CCDC172: variants seen among roughly 807,000 people sequenced by gnomAD.
The protein encoded by CCDC172 is coiled-coil domain containing 172.
A neutral mutation model predicts 38.0 loss-of-function variants in CCDC172; 30 were observed. The ratio of observed to expected loss-of-function variants is 0.79; its 90% CI spans 0.59 to 1.07. The LOEUF is 1.07. CCDC172 is among the 50% of genes least tolerant of loss of function. The pLI is 0.00. For missense variants in CCDC172, 297 were observed against 290.1 expected (o/e 1.02, Z -0.17); for synonymous variants, 78 against 88.3 (o/e 0.88, Z 0.66).
rs759164225 is a variant in CCDC172, at chr10:116,357,831, T to C, written c.551-5T>C. ...AAGATTGCAACTATTTTTTGATTTG[T>C]TTAGTTTTTGAAGATGAAGAGAATG... On this transcript the variant is annotated splice_polypyrimidine_tract_variant and splice_region_variant and intron_variant, in intron 6 of 8. Coordinates refer to ENST00000333254, the MANE Select transcript of CCDC172 (RefSeq NM_198515.3). 34 of 1,356,842 alleles carry C rather than the reference T, an allele frequency of 2.5e-5. No individual in the cohort carries two copies. The highest frequency in any genetic ancestry group is 3.4e-5 in the Non-Finnish European group (33 of 975,114). The allele number at this position is 1,356,842 out of a possible 1,614,324, so 84.1% of individuals were successfully genotyped here. A position where few individuals can be genotyped will look rare whatever the true frequency, so the allele number is the denominator to read the frequency against.
rs778494917 is a variant in CCDC172 at position 116,325,343 on chromosome 10, A to G, written c.120A>G (p.Lys40=). ...EITRCREKIK[K]ATEELNEEKI... is the part of the protein sequence containing the mutation. ...CCAGATGTCGTGAAAAAATTAAGAAAGCAACGGAGGAGCTGAATGAAGAGA... is the reference window on the plus strand; with the variant it reads ...CCAGATGTCGTGAAAAAATTAAGAAGGCAACGGAGGAGCTGAATGAAGAGA... Residue 40 remains lysine, a synonymous_variant, in exon 3 of 9, where the codon AAA becomes AAG. Coordinates refer to ENST00000333254, the MANE Select transcript of CCDC172 (RefSeq NM_198515.3). The G allele has an allele frequency of 1.9e-6, 3 of 1,614,042 alleles. No individual in the cohort carries two copies. The Admixed American group carries it at 5.0e-5, about 27-fold the overall frequency.
intron 7 of CCDC172, among the ~76,000 whole-genome samples, chr10:116,366,009 T>TTCTCACAA (rs1845118915): frequency 6.6e-6 from 1 of 152,160 alleles, no homozygotes; most frequent in South Asian, 2.1e-4. Context: ...AACTATGCAT[T>TTCTCACAA]TCTCACAATA....
intron 5 of CCDC172, among the ~76,000 whole-genome samples, chr10:116,345,371 T>C (rs573796804): frequency 6.6e-6 from 1 of 152,250 alleles, no homozygotes; most frequent in East Asian, 1.9e-4. Context: ...ACACAAAAGC[T>C]AAAATTATGA....
At chr10:116,355,747 T>A (rs1844987642) in intron 5 of CCDC172, among the ~76,000 whole-genome samples, 1 of 152,124 alleles carries the variant, frequency 6.6e-6, no homozygotes, top group Admixed American at 6.6e-5. Context: ...ATTCCATTGT[T>A]GTGAAATATC....
At chr10:116,369,759 G>C (rs965508795) in intron 7 of CCDC172, among the ~76,000 whole-genome samples, 1 of 152,006 alleles carries the variant, frequency 6.6e-6, no homozygotes, top group African/African-American at 2.4e-5. Context: ...AAATGCAAAT[G>C]TAGTTTTGTT....
At chr10:116,364,325 C>G (rs1845098052) in intron 7 of CCDC172, among the ~76,000 whole-genome samples, 1 of 152,184 alleles carries the variant, frequency 6.6e-6, no homozygotes, top group Non-Finnish European at 1.5e-5. Context: ...GCAGAGATGA[C>G]TTATACATGG....
intron 7 of CCDC172, among the ~76,000 whole-genome samples, chr10:116,359,148 A>G (rs570981298): frequency 1.3e-5 from 2 of 152,316 alleles, no homozygotes; most frequent in East Asian, 1.9e-4. Flanking sequence ...AGCATGTTTC[A>G]TAAGTTTTCC....
Position 116,357,916 on chromosome 10 carries a change from C to G in CCDC172, c.631C>G (p.Gln211Glu). The G allele has an allele frequency of 6.4e-7, 1 of 1,570,872 alleles. No homozygotes were observed. Among genetic ancestry groups the G allele is most frequent in the Non-Finnish European group, 8.7e-7 (1 of 1,155,416 alleles). ...AAAAATAAAAATCAGTGAAAAGCCT[C>G]AAAATGATACAGAATGCTTAAGGTA... ...AEKIKISEKP[Q>E]NDTECLRLKK... Residue 211 changes from glutamine to glutamate, a missense_variant, in exon 7 of 9, where the codon CAA (glutamine) becomes GAA (glutamate). By Grantham distance (29) the Gln-to-Glu change is conservative. Coordinates refer to ENST00000333254, the MANE Select transcript of CCDC172 (RefSeq NM_198515.3).
chr10:116,349,665 A>G (rs1844907807), intron 5 of CCDC172, among the ~76,000 whole-genome samples: 1 of 152,226 alleles, frequency 6.6e-6, no homozygotes, highest in Non-Finnish European at 1.5e-5. Flanking sequence ...AAATGTGCTT[A>G]GTTTGTTCAC....
chr10:116,379,394 C>T lies in CCDC172; in HGVS notation c.*36C>T. ...ATTGATCAGCCATCTGAGATTTGAT[C>T]AGAATATCTGAGAATCAAATCTTTG... On this transcript the variant is annotated 3_prime_UTR_variant, in exon 9 of 9. Transcript: ENST00000333254. 1 of 1,466,644 alleles carries T rather than the reference C, an allele frequency of 6.8e-7. No individual in the cohort carries two copies. Among genetic ancestry groups the T allele is most frequent in the South Asian group, 1.3e-5 (1 of 77,784 alleles). 90.9% of individuals were successfully genotyped at this position (1,466,644 alleles called of 1,614,324 possible).
At chr10:116,331,267 G>T (rs1244042769) in intron 3 of CCDC172, among the ~76,000 whole-genome samples, 1 of 152,018 alleles carries the variant, frequency 6.6e-6, no homozygotes. Flanking sequence ...CAAACAAAAA[G>T]AAATTCTCAA....
intron 5 of CCDC172, among the ~76,000 whole-genome samples, chr10:116,349,212 C>G (rs1589953051): frequency 6.6e-6 from 1 of 152,254 alleles, no homozygotes; most frequent in African/African-American, 2.4e-5. Flanking sequence ...CCCACTGATT[C>G]TACATTATGG....
At chr10:116,352,888 A>C (rs1262554575) in intron 5 of CCDC172, among the ~76,000 whole-genome samples, 3 of 152,154 alleles carry the variant, frequency 2.0e-5, no homozygotes. Flanking sequence ...AATCTACAGG[A>C]AAACTATTAG....
Position 116,324,625 on chromosome 10 carries a change from C to G in CCDC172, c.-66+12C>G, listed in dbSNP as rs559298941. The G allele has an allele frequency of 1.8e-3, 322 of 181,668 alleles. 6 individuals carry two copies. The highest frequency in any genetic ancestry group is 6.9e-4 in the Non-Finnish European group (60 of 86,906). The allele number at this position is 181,668 out of a possible 1,614,324, so 11.3% of individuals were successfully genotyped here. A position where few individuals can be genotyped will look rare whatever the true frequency, so the allele number is the denominator to read the frequency against. On this transcript the variant is annotated intron_variant, in intron 1 of 8. Coordinates refer to ENST00000333254, the MANE Select transcript of CCDC172 (RefSeq NM_198515.3). ...CCTCAAAAGCCAAGGTCTTGGCAGCCTTTTTATTTGCCACCAAAGCGAAAA... is the reference window on the plus strand; with the variant it reads ...CCTCAAAAGCCAAGGTCTTGGCAGCGTTTTTATTTGCCACCAAAGCGAAAA...
chr10:116,345,510 A>C (rs186252857), intron 5 of CCDC172, among the ~76,000 whole-genome samples: 1 of 152,354 alleles, frequency 6.6e-6, no homozygotes, highest in Non-Finnish European at 1.5e-5. Flanking sequence ...AAAGACACTT[A>C]AGAAAATTAG....
intron 7 of CCDC172, among the ~76,000 whole-genome samples, chr10:116,367,717 ACTATTAT>A (rs536257372): frequency 1.3e-3 from 199 of 152,224 alleles, no homozygotes; most frequent in Non-Finnish European, 1.5e-3. Context: ...TTGGTACAGT[ACTATTAT>A]CTAACAGTCT....
chr10:116,348,532 C>G (rs1403544597), intron 5 of CCDC172, among the ~76,000 whole-genome samples: 1 of 152,008 alleles, frequency 6.6e-6, no homozygotes, highest in African/African-American at 2.4e-5. Flanking sequence ...CAGATATTAT[C>G]TTTGATTTAT....
At position 116,329,790 on chromosome 10, in the gene CCDC172, A is replaced by G. The variant is rs1483469903; in HGVS notation, c.165+4402A>G. Among the ~76,000 whole-genome samples, 4 of 152,174 alleles carry G rather than the reference A, an allele frequency of 2.6e-5. No homozygotes were observed. In the East Asian group the frequency reaches 7.7e-4, roughly 29 times the overall value. On this transcript the variant is annotated intron_variant, in intron 3 of 8. Transcript: ENST00000333254. Reference sequence around the variant, plus strand: ...GTGGCACCAAACTGTACTAGTAGTCATCTCGTATTCTTCACTGCCATGCAC... The same window carrying G: ...GTGGCACCAAACTGTACTAGTAGTCGTCTCGTATTCTTCACTGCCATGCAC...
intron 5 of CCDC172, among the ~76,000 whole-genome samples, chr10:116,355,165 GACTC>G (rs1164401382): frequency 1.6e-4 from 25 of 152,142 alleles, no homozygotes; most frequent in African/African-American, 5.6e-4. Flanking sequence ...ACCACTCATT[GACTC>G]ACTCAAAGCA....
Sources: allele counts gnomAD v4.1 joint callset (sites outside exome capture counted in the v4.1 genomes callset), GRCh38; gene constraint gnomAD v4.1.1; transcripts MANE v1.5; gene names NCBI Gene and HGNC (gene_info 2026-07-23, HGNC 2026-07-21).